Variants in PRSS21 observed in about 807,000 individuals in gnomAD.
PRSS21 encodes serine protease 21, also known as testisin.
In PRSS21, 40 loss-of-function variants were observed where a neutral mutation model predicts 31.1. The observed-to-expected ratio is 1.29, with a 90% CI of 1.00 to 1.68. The LOEUF (loss-of-function observed/expected upper bound fraction) is 1.68, where lower values mean the gene tolerates loss of function less well. Ranked by LOEUF, PRSS21 falls within the 40% of genes most tolerant of loss-of-function variation. The pLI is 0.00. For missense variants in PRSS21, 467 were observed against 412.6 expected, an observed-to-expected ratio of 1.13 and a Z score of -1.14; for synonymous variants, 186 against 167.7, an observed-to-expected ratio of 1.11 and a Z score of -0.84.
rs1160419406 is a variant in PRSS21 at position 2,817,949 on chromosome 16, G to A, written c.240G>A (p.Ala80=). ...TCAGCCACCGCTGGGCACTCACGGC[G>A]GCGCACTGCTTTGAAACGTGAGTGG... ...SLLSHRWALT[A]AHCFETYSDL... is the part of the protein sequence containing the mutation. The change falls in exon 3 of 6, where the codon GCG becomes GCA. Residue 80 remains alanine, a synonymous_variant. Transcript: ENST00000005995. This position sits in a 1 kb window ranked among gnomAD's most constrained non-coding sequence, Gnocchi z 4.2. The A allele has an allele frequency of 5.2e-6, 8 of 1,548,980 alleles. No individual in the cohort carries two copies. The highest frequency in any genetic ancestry group is 2.7e-5 in the African/African-American group (2 of 73,032).
In PRSS21 at chr16:2,817,354, C is replaced by T. The variant is rs780568427; in HGVS notation, c.64+22C>T. ...CCGGGTGAGCTCGGGGCGCTGCTGG[C>T]GGGATGGGGAGGCGGGGGAGCGGTG... On this transcript the variant is annotated intron_variant, in intron 1 of 5. Transcript: ENST00000005995. The surrounding 1 kb of genome is among the most constrained non-coding windows in gnomAD (Gnocchi z 4.2). 1.5e-6 allele frequency: 2 copies of T among 1,345,486 alleles called. No individual in the cohort carries two copies. Among genetic ancestry groups the T allele is most frequent in the Middle Eastern group, 2.5e-4 (1 of 3,960 alleles). 83.3% of individuals were successfully genotyped at this position (1,345,486 alleles called of 1,614,324 possible).
rs148860982 is a variant in PRSS21, at chr16:2,821,011, A to G, written c.607A>G (p.Met203Val). The part of the protein sequence containing the change: ...EVQVAIINNS[M>V]CNHLFLKYSF... ...TCAGGTCGCCATCATAAACAACTCT[A>G]TGTGCAACCACCTCTTCCTCAAGTA... is the stretch of plus-strand genomic sequence containing the variant. Residue 203 changes from methionine to valine, a missense_variant, in exon 5 of 6, where the codon ATG becomes GTG. Coordinates refer to ENST00000005995, the MANE Select transcript of PRSS21 (RefSeq NM_006799.4). 83 of 1,613,950 alleles carry G rather than the reference A, an allele frequency of 5.1e-5. No individual in the cohort carries two copies. In the African/African-American group the frequency reaches 9.5e-4, roughly 18 times the overall value.
At chr16:2,820,813 C>G in intron 4 of PRSS21, 142 bp from the exon 5 acceptor site, 4 of 823,974 alleles carry the variant, frequency 4.9e-6, no homozygotes, top group Admixed American at 2.3e-5. Context: ...GTGCTGGGGT[C>G]TGGGTTGGAG....
intron 4 of PRSS21, 37 bp from the exon 5 acceptor site, chr16:2,820,918 G>A: frequency 1.2e-6 from 2 of 1,604,668 alleles, no homozygotes; most frequent in Middle Eastern, 1.7e-4. Context: ...GGGGCCTCAG[G>A]TTGCTGTCTC....
intron 4 of PRSS21, 106 bp downstream of exon 4, chr16:2,819,075 C>T: frequency 7.8e-7 from 1 of 1,286,668 alleles, no homozygotes; most frequent in South Asian, 1.4e-5. Context: ...GGCTATGCCC[C>T]TCTTGCTTGC....
rs771830212 is a variant in PRSS21 at position 2,817,482 on chromosome 16, C to T, written c.91+26C>T. 6.4e-7 allele frequency: 1 copy of T among 1,553,996 alleles called. No individual in the cohort carries two copies. The highest frequency in any genetic ancestry group is 8.6e-7 in the Non-Finnish European group (1 of 1,157,136). ...GTAGGGCGCCCAGGACGCGCGATTC[C>T]TGCCAGGGCCGTTGGGCCGAGGTGG... is the stretch of plus-strand genomic sequence containing the variant. On this transcript the variant is annotated intron_variant, in intron 2 of 5. Coordinates refer to ENST00000005995, the MANE Select transcript of PRSS21 (RefSeq NM_006799.4). This position sits in a 1 kb window ranked among gnomAD's most constrained non-coding sequence, Gnocchi z 4.2.
At position 2,821,001 on chromosome 16, in the gene PRSS21, AAAC is replaced by A. The variant is rs1327802573; in HGVS notation, c.601_603del (p.Asn201del). 1 of 1,614,068 alleles carries A rather than the reference AAAC, an allele frequency of 6.2e-7. No individual in the cohort carries two copies. The highest frequency in any genetic ancestry group is 1.7e-5 in the Admixed American group (1 of 60,026). ...TCCAGGAAGTTCAGGTCGCCATCAT[AAAC>A]AACTCTATGTGCAACCACCTCTTCC... is the stretch of plus-strand genomic sequence containing the variant. On this transcript the variant is annotated inframe_deletion, in exon 5 of 6. Transcript: ENST00000005995.
At chr16:2,820,230 C>T (rs2069147574) in intron 4 of PRSS21, among the ~76,000 whole-genome samples, 1 of 152,206 alleles carries the variant, frequency 6.6e-6, no homozygotes, top group Non-Finnish European at 1.5e-5. Flanking sequence ...ATGATGGTGC[C>T]ACATCAGAGG....
chr16:2,818,022 G>A (rs1170613115), intron 3 of PRSS21, 56 bp downstream of exon 3: 4 of 1,506,474 alleles, frequency 2.7e-6, no homozygotes, highest in Non-Finnish European at 3.6e-6. Flanking sequence ...GGGCTGGAGG[G>A]AGTGCCACCG....
chr16:2,819,476 T>A (rs1289681776), intron 4 of PRSS21, among the ~76,000 whole-genome samples: 3 of 152,240 alleles, frequency 2.0e-5, no homozygotes, highest in Non-Finnish European at 4.4e-5. Flanking sequence ...CCCTGGCACC[T>A]GCGTGTCCCC....
chr16:2,819,727 T>G (rs2069139818), intron 4 of PRSS21, among the ~76,000 whole-genome samples: 2 of 152,242 alleles, frequency 1.3e-5, no homozygotes, highest in Admixed American at 6.5e-5. Flanking sequence ...CTCCTCCTGC[T>G]GGAGCTCACC....
At chr16:2,818,134 C>T (rs2069112074) in intron 3 of PRSS21, among the ~76,000 whole-genome samples, 168 bp downstream of exon 3, 1 of 152,174 alleles carries the variant, frequency 6.6e-6, no homozygotes, top group African/African-American at 2.4e-5. Flanking sequence ...CCGGTTACAC[C>T]CACTCCAGTT....
Position 2,817,327 on chromosome 16 carries a change from A to T in PRSS21, c.59A>T (p.Lys20Met). ...ALLLARAGLR[K>M]PESQEAAPLS... is the part of the protein sequence containing the mutation. ...CTGCTGGCTCGGGCTGGACTCAGGA[A>T]GCCGGGTGAGCTCGGGGCGCTGCTG... Residue 20 changes from lysine to methionine, a missense_variant, in exon 1 of 6, where the codon AAG becomes ATG. By Grantham distance (95) the Lys-to-Met change is moderately conservative (BLOSUM62 -1). Transcript: ENST00000005995. The surrounding 1 kb of genome is among the most constrained non-coding windows in gnomAD (Gnocchi z 4.2). 1 of 1,550,266 alleles carries T rather than the reference A, an allele frequency of 6.5e-7. No individual in the cohort carries two copies. The highest frequency in any genetic ancestry group is 1.2e-5 in the South Asian group (1 of 85,950).
chr16:2,817,913 A>T lies in PRSS21; in HGVS notation c.204A>T (p.Gly68=). 6.5e-7 allele frequency: 1 copy of T among 1,549,496 alleles called. No individual in the cohort carries two copies. Among genetic ancestry groups the T allele is most frequent in the Non-Finnish European group, 8.7e-7 (1 of 1,146,884 alleles). ...SLRLWDSHVC[G]VSLLSHRWAL... ...GCCTGTGGGATTCCCACGTATGCGGAGTGAGCCTGCTCAGCCACCGCTGGG... is the reference window on the plus strand; with the variant it reads ...GCCTGTGGGATTCCCACGTATGCGGTGTGAGCCTGCTCAGCCACCGCTGGG... Residue 68 remains glycine, a synonymous_variant, in exon 3 of 6, where the codon GGA becomes GGT. Coordinates refer to ENST00000005995, the MANE Select transcript of PRSS21 (RefSeq NM_006799.4). The surrounding 1 kb of genome is among the most constrained non-coding windows in gnomAD (Gnocchi z 4.2).
intron 4 of PRSS21, among the ~76,000 whole-genome samples, chr16:2,819,664 G>T (rs1004438407): frequency 6.6e-6 from 1 of 152,266 alleles, no homozygotes; most frequent in Admixed American, 6.5e-5. Context: ...CACACGCTGT[G>T]TGCCTGGCAC....
At position 2,818,555 on chromosome 16, in the gene PRSS21, G is replaced by A. The variant is rs2069117688; in HGVS notation, c.258-122G>A. 8 of 993,318 alleles carry A rather than the reference G, an allele frequency of 8.1e-6. No homozygotes were observed. In the South Asian group the frequency reaches 9.5e-5, roughly 12 times the overall value. The allele number at this position is 993,318 out of a possible 1,614,324, so 61.5% of individuals were successfully genotyped here. On this transcript the variant is annotated intron_variant, in intron 3 of 5. Coordinates refer to ENST00000005995, the MANE Select transcript of PRSS21 (RefSeq NM_006799.4). ...TCTGGGCTCCTTCATTTCTGCAGGGGACCCTGGGTGTTAGCAAGTAGCAGC... is the reference window on the plus strand; with the variant it reads ...TCTGGGCTCCTTCATTTCTGCAGGGAACCCTGGGTGTTAGCAAGTAGCAGC...
Position 2,817,804 on chromosome 16 carries a change from C to A in PRSS21, c.95C>A (p.Pro32Gln), listed in dbSNP as rs1315820993. The change falls in exon 3 of 6, where the codon CCA becomes CAA. Residue 32 changes from proline (P) to glutamine (Q), a missense_variant. Coordinates refer to ENST00000005995, the MANE Select transcript of PRSS21 (RefSeq NM_006799.4). The surrounding 1 kb of genome is among the most constrained non-coding windows in gnomAD (Gnocchi z 4.2). ...GCAGTTCCTCTGACCATCCGAGGAC[C>A]ATGCGGCCGACGGGTCATCACGTCG... ...ESQEAAPLSG[P>Q]CGRRVITSRI... is the part of the protein sequence containing the mutation. 6 of 1,549,558 alleles carry A rather than the reference C, an allele frequency of 3.9e-6. No homozygotes were observed. The highest frequency in any genetic ancestry group is 3.5e-6 in the Non-Finnish European group (4 of 1,146,838).
rs1338298794 is a variant in PRSS21, at chr16:2,817,348, T to C, written c.64+16T>C. The C allele has an allele frequency of 3.2e-6, 5 of 1,565,930 alleles. No homozygotes were observed. The highest frequency in any genetic ancestry group is 3.4e-6 in the Non-Finnish European group (4 of 1,159,736). On this transcript the variant is annotated intron_variant, in intron 1 of 5. Coordinates refer to ENST00000005995, the MANE Select transcript of PRSS21 (RefSeq NM_006799.4). The surrounding 1 kb of genome is among the most constrained non-coding windows in gnomAD (Gnocchi z 4.2). The stretch of plus-strand genomic sequence containing the variant: ...AGGAAGCCGGGTGAGCTCGGGGCGC[T>C]GCTGGCGGGATGGGGAGGCGGGGGA...
intron 3 of PRSS21, 120 bp downstream of exon 3, chr16:2,818,086 C>A: frequency 7.9e-7 from 1 of 1,263,784 alleles, no homozygotes; most frequent in East Asian, 2.6e-5. Flanking sequence ...TGCGTGGATG[C>A]GGCCTGGTGT....
Sources: gnomAD v4.1 joint callset for allele counts (sites outside exome capture counted in the v4.1 genomes callset) on GRCh38, gnomAD v4.1.1 for gene constraint, Gnocchi (gnomAD v3.1) non-coding constraint, MANE v1.5 for transcripts, NCBI Gene and HGNC (gene_info 2026-07-23, HGNC 2026-07-21) for gene names.